Variants in ADGRE1 observed in about 807,000 individuals in gnomAD.
ADGRE1 encodes adhesion G protein-coupled receptor E1, also known as EGF-like module receptor 1.
ADGRE1 carries 82 observed loss-of-function variants against 102.7 expected under a neutral mutation model. The observed-to-expected ratio is 0.80, with a 90% CI of 0.67 to 0.96. The LOEUF is 0.96. Ranked by LOEUF, ADGRE1 falls within the 40% of genes least tolerant of loss-of-function variation. The pLI is 0.00. For missense variants in ADGRE1, 1,032 were observed against 1,085.3 expected (o/e 0.95, Z 0.69); for synonymous variants, 398 against 399.6 (o/e 1.00, Z 0.05).
rs553992904 is a variant in ADGRE1, at chr19:6,896,681, A to G, written c.238+140A>G. The G allele has an allele frequency of 9.4e-5, 90 of 962,472 alleles. No homozygotes were observed. In the East Asian group the frequency reaches 2.3e-3, roughly 25 times the overall value. 59.6% of individuals were successfully genotyped at this position (962,472 alleles called of 1,614,324 possible). A position where few individuals can be genotyped will look rare whatever the true frequency, so the allele number is the denominator to read the frequency against. Reference sequence around the variant, plus strand: ...AACTATATATTTTAAGTGGAGTATTAGGTCATTTCTGTTCAAGGTTAATAT... The same window carrying G: ...AACTATATATTTTAAGTGGAGTATTGGGTCATTTCTGTTCAAGGTTAATAT... On this transcript the variant is annotated intron_variant, in intron 3 of 20. Transcript: ENST00000312053.
At chr19:6,910,465 G>A (rs903898673) in intron 10 of ADGRE1, among the ~76,000 whole-genome samples, 3 of 150,944 alleles carry the variant, frequency 2.0e-5, no homozygotes, top group Admixed American at 6.6e-5. Context: ...AAATAGCCAC[G>A]TTCTCTTAAA....
chr19:6,900,093 C>CAA (rs35932450), intron 5 of ADGRE1, among the ~76,000 whole-genome samples: 1 of 129,642 alleles, frequency 7.7e-6, no homozygotes, highest in Non-Finnish European at 1.7e-5. Context: ...GACTCCATCT[C>CAA]AAAAAAAAAA....
intron 5 of ADGRE1, chr19:6,897,974 C>G (rs1471827871): frequency 5.5e-6 from 1 of 181,084 alleles, no homozygotes; most frequent in Non-Finnish European, 1.1e-5. Context: ...ACTTCCCCAC[C>G]CTTCCTCTCT....
At chr19:6,911,832 ACACACACACCC>A (rs1974202356) in intron 10 of ADGRE1, among the ~76,000 whole-genome samples, 1 of 117,684 alleles carries the variant, frequency 8.5e-6, no homozygotes, top group South Asian at 3.2e-4. Flanking sequence ...ACAAATGCAT[ACACACACACCC>A]CACACACATT....
At chr19:6,920,388 T>G (rs1974602493) in intron 13 of ADGRE1, among the ~76,000 whole-genome samples, 1 of 151,760 alleles carries the variant, frequency 6.6e-6, no homozygotes, top group Non-Finnish European at 1.5e-5. Context: ...ACCGGCTAAT[T>G]TTTTGTATTT....
chr19:6,922,612 TCACACACACACA>T (rs770150909), intron 14 of ADGRE1, among the ~76,000 whole-genome samples: 2,248 of 123,210 alleles, frequency 0.018, 59 homozygotes, highest in African/African-American at 0.063. Flanking sequence ...AGACTCTGTC[TCACACACACACA>T]CACACACACA....
intron 1 of ADGRE1, 98 bp downstream of exon 1, chr19:6,887,737 T>C (rs889882056): frequency 3.0e-5 from 40 of 1,341,284 alleles, no homozygotes; most frequent in Non-Finnish European, 3.9e-5. Flanking sequence ...CAAGAGATCA[T>C]AAGTCCAGAC....
At chr19:6,905,711 A>G (rs1239142939) in intron 8 of ADGRE1, among the ~76,000 whole-genome samples, 3 of 152,156 alleles carry the variant, frequency 2.0e-5, no homozygotes, top group Admixed American at 6.5e-5. Context: ...ATAATGGGGA[A>G]CCATGAAAGG....
At position 6,937,781 on chromosome 19, in the gene ADGRE1, T is replaced by A; in HGVS notation, c.2655+133T>A. 3 of 677,264 alleles carry A rather than the reference T, an allele frequency of 4.4e-6. No homozygotes were observed. In the Admixed American group the frequency reaches 7.7e-5, roughly 17 times the overall value. 42.0% of individuals were successfully genotyped at this position (677,264 alleles called of 1,614,324 possible). ...CACCCTAGTTAGCTCATGGATGAAG[T>A]GTGGAGTTGAAGACTGGGGATTTAT... On this transcript the variant is annotated intron_variant, in intron 20 of 20. Transcript: ENST00000312053.
intron 1 of ADGRE1, among the ~76,000 whole-genome samples, chr19:6,889,734 C>T (rs1304784424): frequency 6.7e-6 from 1 of 149,084 alleles, no homozygotes; most frequent in African/African-American, 2.5e-5. Context: ...AATTGCCCTA[C>T]CCTCTCATGA....
chr19:6,927,926 G>T (rs1305663861), intron 16 of ADGRE1, among the ~76,000 whole-genome samples: 2 of 152,140 alleles, frequency 1.3e-5, no homozygotes, highest in Non-Finnish European at 2.9e-5. Context: ...TCAACCTTGG[G>T]CACTAGGTAA....
At position 6,894,333 on chromosome 19, in the gene ADGRE1, G is replaced by A. The variant is rs149327810; in HGVS notation, c.95-2065G>A. Among the ~76,000 whole-genome samples, 887 of 152,214 alleles carry A rather than the reference G, an allele frequency of 5.8e-3. 3 individuals carry two copies. The highest frequency in any genetic ancestry group is 7.8e-3 in the Non-Finnish European group (531 of 68,024). ...TCCTTTTGAAGCTCACAGTGTGGTG[G>A]TGAAGGTGGCCATGAAGGAGCAACT... On this transcript the variant is annotated intron_variant, in intron 2 of 20. Transcript: ENST00000312053.
chr19:6,903,284 C>G (rs1973835383), intron 6 of ADGRE1, among the ~76,000 whole-genome samples: 1 of 152,172 alleles, frequency 6.6e-6, no homozygotes, highest in Non-Finnish European at 1.5e-5. Flanking sequence ...GTGGGCATGT[C>G]TTATGGAAAG....
At position 6,889,549 on chromosome 19, in the gene ADGRE1, C is replaced by T. The variant is rs539795180; in HGVS notation, c.32-932C>T. On this transcript the variant is annotated intron_variant, in intron 1 of 20. Coordinates refer to ENST00000312053, the MANE Select transcript of ADGRE1 (RefSeq NM_001974.5). ...ACTAAAAATGCAAAAATTAGCTGGG[C>T]GTGGTGGTGCGTGCTTGTAATCCCA... 2.3e-4 allele frequency among the ~76,000 whole-genome samples: 35 copies of T among 151,504 alleles called. 1 individual carries two copies. Among genetic ancestry groups the T allele is most frequent in the Non-Finnish European group, 1.0e-4 (7 of 67,856 alleles).
intron 2 of ADGRE1, chr19:6,891,225 A>G (rs1444539356): frequency 6.6e-6 from 1 of 152,204 alleles, no homozygotes; most frequent in African/African-American, 2.4e-5. Flanking sequence ...GCCTCCTGCC[A>G]TGTAAGTAAG....
chr19:6,906,585 G>A lies in ADGRE1; in HGVS notation c.1038+64G>A, dbSNP rs990667951. 2.0e-6 allele frequency: 3 copies of A among 1,473,102 alleles called. No homozygotes were observed. In the African/African-American group the frequency reaches 4.2e-5, roughly 21 times the overall value. The allele number at this position is 1,473,102 out of a possible 1,614,324, so 91.3% of individuals were successfully genotyped here. On this transcript the variant is annotated intron_variant, in intron 9 of 20. Transcript: ENST00000312053. ...TTAGAAGCCATTTAGGTAGAATGTT[G>A]TTTTTGCAGTTCTAACAAAGGCAAA...
At chr19:6,922,563 T>C (rs11671186) in intron 14 of ADGRE1, among the ~76,000 whole-genome samples, 31,315 of 149,620 alleles carry the variant, frequency 0.21, 3,341 homozygotes, top group Middle Eastern at 0.24. Context: ...TGCACTGAGC[T>C]GAGATGGCAC....
intron 5 of ADGRE1, chr19:6,897,914 T>TTTCC (rs5826951): frequency 0.11 from 17,248 of 159,166 alleles, 1,066 homozygotes; most frequent in Middle Eastern, 0.13. Context: ...GCAAACATGA[T>TTTCC]TTCCTTCCTT....
At chr19:6,930,480 A>G (rs943590793) in intron 17 of ADGRE1, among the ~76,000 whole-genome samples, 10 of 152,188 alleles carry the variant, frequency 6.6e-5, no homozygotes, top group Admixed American at 4.6e-4. Flanking sequence ...GTAAGTGTAT[A>G]TATTTATGGG....
Sources: allele counts gnomAD v4.1 joint callset (sites outside exome capture counted in the v4.1 genomes callset), GRCh38; gene constraint gnomAD v4.1.1; transcripts MANE v1.5; gene names NCBI Gene and HGNC (gene_info 2026-07-23, HGNC 2026-07-21).